The following PPP2R2A variants were observed in gnomAD, a reference collection of about 807,000 sequenced individuals.
PPP2R2A encodes the protein serine/threonine-protein phosphatase 2A 55 kDa regulatory subunit B alpha isoform.
PPP2R2A carries 9 observed loss-of-function variants against 53.2 expected under a neutral mutation model. The observed-to-expected ratio is 0.17, with a 90% CI of 0.10 to 0.30. The LOEUF (loss-of-function observed/expected upper bound fraction) is 0.30. Ranked by LOEUF, PPP2R2A falls within the 10% of genes least tolerant of loss-of-function variation. The pLI is 1.00. For synonymous variants in PPP2R2A, 169 were observed against 174.2 expected (o/e 0.97, Z 0.23); for missense variants, 235 against 534.6 (o/e 0.44, Z 5.53).
At position 26,291,561 on chromosome 8, in the gene PPP2R2A, C is replaced by A; in HGVS notation, c.-259C>A. 5 of 537,632 alleles carry A rather than the reference C, an allele frequency of 9.3e-6. No homozygotes were observed. Among genetic ancestry groups the A allele is most frequent in the Non-Finnish European group, 1.6e-5 (5 of 304,134 alleles). The allele number at this position is 537,632 out of a possible 1,614,324, so 33.3% of individuals were successfully genotyped here. On this transcript the variant is annotated 5_prime_UTR_variant, in exon 1 of 10. Transcript: ENST00000380737. ...AGTCGCCTGCCCCTGCCGCTGCCGC[C>A]GCCGCCGTCGCTGTCGTAGTCGCCG...
chr8:26,355,904 A>G (rs1436515471), intron 4 of PPP2R2A, among the ~76,000 whole-genome samples: 2 of 151,718 alleles, frequency 1.3e-5, no homozygotes, highest in East Asian at 3.9e-4. Flanking sequence ...TGACTCTACC[A>G]GAATTTGAAA....
chr8:26,335,190 G>A (rs976400420), intron 2 of PPP2R2A, among the ~76,000 whole-genome samples: 1 of 152,052 alleles, frequency 6.6e-6, no homozygotes, highest in Non-Finnish European at 1.5e-5. Flanking sequence ...TGTTTTTCTT[G>A]GTCTATGAGC....
At chr8:26,293,274 A>T in intron 1 of PPP2R2A, 1 of 1,534,510 alleles carries the variant, frequency 6.5e-7, no homozygotes, top group East Asian at 2.4e-5. Context: ...TCTTCGTTCT[A>T]TGTTTCATGG....
At position 26,362,644 on chromosome 8, in the gene PPP2R2A, T is replaced by C. The variant is rs1160136627; in HGVS notation, c.638-40T>C. On this transcript the variant is annotated intron_variant, in intron 6 of 9. Transcript: ENST00000380737. This position sits in a 1 kb window ranked among gnomAD's most constrained non-coding sequence, Gnocchi z 4.4. ...GAGAAATGTAGAATTATATTTGCCC[T>C]TTTTTCTAAGTGGAAATTCCTTAAT... 1.3e-6 allele frequency: 2 copies of C among 1,590,960 alleles called. No homozygotes were observed. Among genetic ancestry groups the C allele is most frequent in the Non-Finnish European group, 1.7e-6 (2 of 1,163,336 alleles).
intron 2 of PPP2R2A, among the ~76,000 whole-genome samples, chr8:26,317,064 C>T (rs1802597136): frequency 6.6e-6 from 1 of 152,284 alleles, no homozygotes; most frequent in South Asian, 2.1e-4. Context: ...CAGGAATACT[C>T]GCCTGTTACT....
At chr8:26,355,612 C>A (rs983516764) in intron 4 of PPP2R2A, among the ~76,000 whole-genome samples, 3 of 152,030 alleles carry the variant, frequency 2.0e-5, no homozygotes, top group Non-Finnish European at 4.4e-5. Flanking sequence ...CGCCTGTAAT[C>A]CCAGCACTTT....
At chr8:26,336,168 A>G (rs1261512176) in intron 2 of PPP2R2A, among the ~76,000 whole-genome samples, 1 of 152,190 alleles carries the variant, frequency 6.6e-6, no homozygotes. Context: ...TCATGCTTGT[A>G]ATCCCAGCAC....
rs1300723967 is a variant in PPP2R2A, at chr8:26,372,566, C to T, written c.*2153C>T. 1.3e-5 allele frequency: 2 copies of T among 152,198 alleles called. No individual in the cohort carries two copies. The highest frequency in any genetic ancestry group is 2.4e-5 in the African/African-American group (1 of 41,470). 9.4% of individuals were successfully genotyped at this position (152,198 alleles called of 1,614,324 possible). On this transcript the variant is annotated 3_prime_UTR_variant, in exon 10 of 10. Coordinates refer to ENST00000380737, the MANE Select transcript of PPP2R2A (RefSeq NM_002717.4). Reference sequence around the variant, plus strand: ...GAATGCTATTATAAATTATTGTTAACATTCTCAAGTATTAATTTTTTAATT... The same window carrying T: ...GAATGCTATTATAAATTATTGTTAATATTCTCAAGTATTAATTTTTTAATT...
In PPP2R2A at chr8:26,370,487, AAG is replaced by A. The variant is rs764920656; in HGVS notation, c.*81_*82del. ...TTGAATCTAGCATTCGTTCCTATAA[AAG>A]AGAGAGGTCCATTGTGGCGCCCCTT... On this transcript the variant is annotated 3_prime_UTR_variant, in exon 10 of 10. Transcript: ENST00000380737. The surrounding 1 kb of genome is among the most constrained non-coding windows in gnomAD (Gnocchi z 6.1). The A allele has an allele frequency of 9.2e-6, 14 of 1,517,204 alleles. No homozygotes were observed. Among genetic ancestry groups the A allele is most frequent in the South Asian group, 4.8e-5 (4 of 82,522 alleles). 94.0% of individuals were successfully genotyped at this position (1,517,204 alleles called of 1,614,324 possible). A position where few individuals can be genotyped will look rare whatever the true frequency, so the allele number is the denominator to read the frequency against.
At position 26,354,741 on chromosome 8, in the gene PPP2R2A, T is replaced by C. The variant is rs1206820565; in HGVS notation, c.346+108T>C. ...ACAGAGATACTTGTAAAAAGGACTT[T>C]TGTTTTTCTATACAGAATGTAAACT... On this transcript the variant is annotated intron_variant, in intron 4 of 9. Coordinates refer to ENST00000380737, the MANE Select transcript of PPP2R2A (RefSeq NM_002717.4). The surrounding 1 kb of genome is among the most constrained non-coding windows in gnomAD (Gnocchi z 4.6). 27 of 1,088,752 alleles carry C rather than the reference T, an allele frequency of 2.5e-5. No homozygotes were observed. The highest frequency in any genetic ancestry group is 3.2e-5 in the Non-Finnish European group (26 of 818,120). 67.4% of individuals were successfully genotyped at this position (1,088,752 alleles called of 1,614,324 possible). A position where few individuals can be genotyped will look rare whatever the true frequency, so the allele number is the denominator to read the frequency against.
At chr8:26,308,274 A>G (rs927143958) in intron 2 of PPP2R2A, among the ~76,000 whole-genome samples, 41 of 152,228 alleles carry the variant, frequency 2.7e-4, no homozygotes, top group African/African-American at 8.7e-4. Context: ...TGACTGTGGC[A>G]CTTCTTAAAA....
At chr8:26,305,131 T>A (rs556868223) in intron 2 of PPP2R2A, among the ~76,000 whole-genome samples, 7 of 152,202 alleles carry the variant, frequency 4.6e-5, no homozygotes, top group Admixed American at 4.6e-4. Flanking sequence ...TTCTGTAAAT[T>A]TGACTGCTTT....
chr8:26,334,093 G>T (rs1461013036), intron 2 of PPP2R2A, among the ~76,000 whole-genome samples: 1 of 151,984 alleles, frequency 6.6e-6, no homozygotes, highest in African/African-American at 2.4e-5. Flanking sequence ...ATCTAAAATT[G>T]CTGGGTTGAC....
At chr8:26,351,500 A>G (rs1804511150) in intron 3 of PPP2R2A, among the ~76,000 whole-genome samples, 9 of 152,240 alleles carry the variant, frequency 5.9e-5, no homozygotes, top group Admixed American at 5.2e-4. Context: ...ACTGGACAAC[A>G]CAGATACAGA....
At chr8:26,291,896 G>T in intron 1 of PPP2R2A, 70 bp downstream of exon 1, 1 of 1,559,814 alleles carries the variant, frequency 6.4e-7, no homozygotes, top group Non-Finnish European at 8.7e-7. Context: ...TCACCCCCTA[G>T]CGACCGCCCG....
chr8:26,329,435 T>G (rs542750275), intron 2 of PPP2R2A, among the ~76,000 whole-genome samples: 2 of 152,294 alleles, frequency 1.3e-5, no homozygotes, highest in South Asian at 4.1e-4. Context: ...AAAATCTGCA[T>G]TGGGCATTGG....
chr8:26,365,500 C>G (rs1419656807), intron 8 of PPP2R2A: 1 of 152,092 alleles, frequency 6.6e-6, no homozygotes, highest in Non-Finnish European at 1.5e-5. Flanking sequence ...TAGAAGGTAC[C>G]TTCTCATTTC....
intron 2 of PPP2R2A, among the ~76,000 whole-genome samples, chr8:26,337,016 G>T (rs758800064): frequency 1.3e-5 from 2 of 152,104 alleles, no homozygotes; most frequent in Non-Finnish European, 2.9e-5. Flanking sequence ...TCATCAGCCT[G>T]ACAAGGAGTT....
chr8:26,297,222 G>A (rs941810368), intron 2 of PPP2R2A, among the ~76,000 whole-genome samples: 12 of 152,128 alleles, frequency 7.9e-5, no homozygotes, highest in African/African-American at 2.4e-4. Flanking sequence ...TGATTCTCCT[G>A]CCTCAGCCTC....
Sources: gnomAD v4.1 joint callset for allele counts (sites outside exome capture counted in the v4.1 genomes callset) on GRCh38, gnomAD v4.1.1 for gene constraint, Gnocchi (gnomAD v3.1) non-coding constraint, MANE v1.5 for transcripts, NCBI Gene and HGNC (gene_info 2026-07-23, HGNC 2026-07-21) for gene names.